SLC17A1: variants seen among roughly 807,000 people sequenced by gnomAD.
SLC17A1 encodes the protein solute carrier family 17 member 1, also known as sodium-dependent phosphate transport protein 1.
A neutral mutation model predicts 53.5 loss-of-function variants in SLC17A1; 51 were observed. The observed-to-expected ratio is 0.95, with a 90% CI of 0.76 to 1.20. The LOEUF (loss-of-function observed/expected upper bound fraction) is 1.20, where lower values mean the gene tolerates loss of function less well. SLC17A1 is among the 50% of genes most tolerant of loss of function. The pLI, the probability that SLC17A1 is intolerant of heterozygous loss-of-function variation, is 0.00. For synonymous variants in SLC17A1, 179 were observed against 198.8 expected, an observed-to-expected ratio of 0.90 and a Z score of 0.84; for missense variants, 538 against 568.2, an observed-to-expected ratio of 0.95 and a Z score of 0.54.
intron 12 of SLC17A1, among the ~76,000 whole-genome samples, chr6:25,786,805 C>T (rs893871147): frequency 1.3e-5 from 2 of 152,030 alleles, no homozygotes; most frequent in African/African-American, 4.8e-5. Context: ...AGCATCCTAG[C>T]GGATGAGGAG....
chr6:25,798,026 A>G (rs1264905683), intron 12 of SLC17A1, among the ~76,000 whole-genome samples: 1 of 152,158 alleles, frequency 6.6e-6, no homozygotes. Context: ...GATGAGATTC[A>G]GTTTGATTTT....
At chr6:25,725,297 C>T in the SLC17A1 span, among the ~76,000 whole-genome samples, 9 of 152,182 alleles carry the variant, frequency 5.9e-5, no homozygotes, top group South Asian at 1.5e-3. Flanking sequence ...TCACATATGG[C>T]GTAAGGCTTC....
rs34669145 is a variant in SLC17A1 at position 25,802,935 on chromosome 6, C to CTTTTTTTTTTTTTTTTTTTTTT, written c.1179-1977_1179-1956dup. Among the ~76,000 whole-genome samples the CTTTTTTTTTTTTTTTTTTTTTT allele has an allele frequency of 1.3e-4, 6 of 46,098 alleles. 2 individuals are homozygous for CTTTTTTTTTTTTTTTTTTTTTT. The highest frequency in any genetic ancestry group is 5.4e-4 in the African/African-American group (6 of 11,110). The allele number at this position is 46,098 out of a possible 152,430, so 30.2% of individuals were successfully genotyped here. A position where few individuals can be genotyped will look rare whatever the true frequency, so the allele number is the denominator to read the frequency against. ...ATGACGTTTTAACGACTATCTTCTT[C>CTTTTTTTTTTTTTTTTTTTTTT]TTTTTTTTTTTTTTTTTTTTTTTTT... On this transcript the variant is annotated intron_variant, in intron 10 of 12. Transcript: ENST00000244527.
chr6:25,821,450 C>T (rs1028642726), intron 3 of SLC17A1, among the ~76,000 whole-genome samples: 3 of 152,186 alleles, frequency 2.0e-5, no homozygotes, highest in Non-Finnish European at 4.4e-5. Context: ...GGAGGCTACA[C>T]AGAAGATGAA....
At chr6:25,793,978 AC>A (rs1763555088) in intron 12 of SLC17A1, among the ~76,000 whole-genome samples, 1 of 152,222 alleles carries the variant, frequency 6.6e-6, no homozygotes, top group African/African-American at 2.4e-5. Context: ...ACTGGAGGTC[AC>A]ACACGCACTT....
chr6:25,810,132 A>T (rs1764104083), intron 10 of SLC17A1, among the ~76,000 whole-genome samples: 1 of 152,158 alleles, frequency 6.6e-6, no homozygotes, highest in South Asian at 2.1e-4. Flanking sequence ...TTAAAGACTT[A>T]AACATAAGAC....
chr6:25,750,162 G>C, the SLC17A1 span, among the ~76,000 whole-genome samples: 1 of 152,152 alleles, frequency 6.6e-6, no homozygotes, highest in Non-Finnish European at 1.5e-5. Flanking sequence ...GATGGGATAG[G>C]AGCAGAAAAG....
chr6:25,811,347 T>C (rs1764147910), intron 10 of SLC17A1, 51 bp downstream of exon 10: 4 of 1,494,406 alleles, frequency 2.7e-6, no homozygotes, highest in African/African-American at 2.8e-5. Flanking sequence ...AATAAATATA[T>C]ACAATATTTA....
intron 12 of SLC17A1, among the ~76,000 whole-genome samples, chr6:25,790,146 T>C (rs930076036): frequency 6.6e-6 from 1 of 152,152 alleles, no homozygotes; most frequent in African/African-American, 2.4e-5. Context: ...GCATTTTGAT[T>C]ACATCCCTTA....
chr6:25,764,907 A>C, the SLC17A1 span, among the ~76,000 whole-genome samples: 1 of 152,266 alleles, frequency 6.6e-6, no homozygotes, highest in East Asian at 1.9e-4. Flanking sequence ...CTCTCAAATT[A>C]TACAATGTTA....
chr6:25,731,683 T>C, the SLC17A1 span: 3 of 810,816 alleles, frequency 3.7e-6, no homozygotes, highest in Non-Finnish European at 5.5e-6. Context: ...CGAGGCATAC[T>C]CTATAATAAA....
At chr6:25,726,356 ACT>A in the SLC17A1 span, 5 of 1,614,026 alleles carry the variant, frequency 3.1e-6, no homozygotes, top group South Asian at 5.5e-5. Flanking sequence ...GCTGTGAGAT[ACT>A]CTAACACTGC....
the SLC17A1 span, chr6:25,732,103 A>G: frequency 0.98 from 830,506 of 849,158 alleles, 406,522 homozygotes; most frequent in Non-Finnish European, 0.99. Context: ...GAGTTTTAGC[A>G]ACTGCCTTCT....
At chr6:25,731,578 C>T in the SLC17A1 span, among the ~76,000 whole-genome samples, 1 of 152,318 alleles carries the variant, frequency 6.6e-6, no homozygotes, top group East Asian at 1.9e-4. Flanking sequence ...TTAGCTTTCA[C>T]CAATACTGGG....
chr6:25,726,808 G>A, the SLC17A1 span: 14 of 1,386,268 alleles, frequency 1.0e-5, no homozygotes, highest in Middle Eastern at 2.0e-4. Flanking sequence ...TGGAGCTGAG[G>A]TCATTTGGAG....
At chr6:25,726,116 C>T in the SLC17A1 span, 2 of 1,505,536 alleles carry the variant, frequency 1.3e-6, no homozygotes, top group Non-Finnish European at 1.8e-6. Context: ...GTCTTTTTAC[C>T]AATGACAACC....
At chr6:25,805,843 T>A (rs980512719) in intron 10 of SLC17A1, among the ~76,000 whole-genome samples, 4 of 151,560 alleles carry the variant, frequency 2.6e-5, no homozygotes, top group Admixed American at 1.3e-4. Flanking sequence ...CTGAACAGAG[T>A]AATAACAAGC....
chr6:25,767,142 C>CA, the SLC17A1 span, among the ~76,000 whole-genome samples: 193 of 152,112 alleles, frequency 1.3e-3, 1 homozygote, highest in African/African-American at 4.4e-3. Flanking sequence ...TAAAACATTT[C>CA]AGATCACAGA....
At chr6:25,772,354 C>A in the SLC17A1 span, among the ~76,000 whole-genome samples, 3 of 152,130 alleles carry the variant, frequency 2.0e-5, no homozygotes, top group Non-Finnish European at 4.4e-5. Context: ...TGATTATGTT[C>A]CTTGATGGCA....
Sources: gnomAD v4.1 joint callset for allele counts (sites outside exome capture counted in the v4.1 genomes callset) on GRCh38, gnomAD v4.1.1 for gene constraint, MANE v1.5 for transcripts, NCBI Gene and HGNC (gene_info 2026-07-23, HGNC 2026-07-21) for gene names.